The following BIRC6 variants were observed in gnomAD, a reference collection of about 807,000 sequenced individuals.
The protein encoded by BIRC6 is dual E2 ubiquitin-conjugating enzyme/E3 ubiquitin-protein ligase BIRC6.
A neutral mutation model predicts 503.3 loss-of-function variants in BIRC6; 98 were observed. The observed-to-expected ratio is 0.19, with a 90% CI of 0.17 to 0.23. The LOEUF (loss-of-function observed/expected upper bound fraction) is 0.23, where lower values mean the gene tolerates loss of function less well. Ranked by LOEUF, BIRC6 falls within the 10% of genes least tolerant of loss-of-function variation. The pLI is 1.00. For synonymous variants in BIRC6, 2,240 were observed against 2,078.7 expected, an observed-to-expected ratio of 1.08 and a Z score of -2.11; for missense variants, 5,360 against 5,806.0, an observed-to-expected ratio of 0.92 and a Z score of 2.50.
chr2:32,500,699 A>G (rs1015203332), intron 46 of BIRC6, among the ~76,000 whole-genome samples: 2 of 145,730 alleles, frequency 1.4e-5, no homozygotes, highest in Non-Finnish European at 3.0e-5. Context: ...TCCGCCTCCT[A>G]GGTTCAAGCA....
intron 33 of BIRC6, among the ~76,000 whole-genome samples, chr2:32,474,026 G>T (rs1423754088): frequency 6.6e-6 from 1 of 151,864 alleles, no homozygotes; most frequent in African/African-American, 2.4e-5. Flanking sequence ...AAAGTGTTGG[G>T]ATTATAGGTC....
chr2:32,439,025 C>T (rs182548678), intron 15 of BIRC6, among the ~76,000 whole-genome samples: 4 of 152,204 alleles, frequency 2.6e-5, no homozygotes, highest in Non-Finnish European at 5.9e-5. Context: ...CAGGTAGTGA[C>T]TCCAAAGCCT....
intron 23 of BIRC6, among the ~76,000 whole-genome samples, chr2:32,458,980 G>C (rs1368314997): frequency 6.6e-6 from 1 of 151,936 alleles, no homozygotes. Context: ...GTGAGCCACC[G>C]TGCCCAGCCT....
intron 53 of BIRC6, among the ~76,000 whole-genome samples, chr2:32,511,584 G>C (rs367598286): frequency 2.5e-4 from 37 of 149,212 alleles, no homozygotes; most frequent in African/African-American, 8.9e-4. Flanking sequence ...CCCACCTCAG[G>C]CCTCCCAAGT....
At chr2:32,427,782 C>G (rs967721573) in intron 10 of BIRC6, among the ~76,000 whole-genome samples, 4 of 151,904 alleles carry the variant, frequency 2.6e-5, no homozygotes, top group African/African-American at 9.7e-5. Context: ...ATGTGGGTCC[C>G]TCTTTCTTTG....
At chr2:32,394,255 G>C (rs1333442641) in intron 5 of BIRC6, among the ~76,000 whole-genome samples, 2 of 151,352 alleles carry the variant, frequency 1.3e-5, no homozygotes, top group Non-Finnish European at 2.9e-5. Context: ...TCTAGGAAAT[G>C]TTAGGGGCTG....
intron 65 of BIRC6, among the ~76,000 whole-genome samples, chr2:32,569,777 A>C (rs1215234657): frequency 6.6e-6 from 1 of 151,786 alleles, no homozygotes; most frequent in African/African-American, 2.4e-5. Flanking sequence ...TTCATATATT[A>C]ATCTTATATC....
chr2:32,558,924 G>GT (rs1170304978), intron 65 of BIRC6: 7 of 151,966 alleles, frequency 4.6e-5, no homozygotes, highest in Non-Finnish European at 7.4e-5. Flanking sequence ...GTTTTTTTAG[G>GT]TTTTTTATAT....
chr2:32,443,818 A>T (rs562909401), intron 20 of BIRC6, among the ~76,000 whole-genome samples: 2 of 152,216 alleles, frequency 1.3e-5, no homozygotes, highest in Non-Finnish European at 2.9e-5. Context: ...AGTCATCTCA[A>T]TTCATAACTA....
At chr2:32,461,047 CTTCTCTTCTCTTCTCTTCTG>C (rs1324155807) in intron 23 of BIRC6, among the ~76,000 whole-genome samples, 174 of 70,770 alleles carry the variant, frequency 2.5e-3, no homozygotes, top group African/African-American at 7.1e-3. Flanking sequence ...CTTCTCTTCT[CTTCTCTTCTCTTCTCTTCTG>C]TTCTCCTCTC....
chr2:32,546,100 C>T (rs1306954274), intron 63 of BIRC6, among the ~76,000 whole-genome samples: 7 of 152,128 alleles, frequency 4.6e-5, no homozygotes, highest in Admixed American at 3.9e-4. Flanking sequence ...AATAAGCTTT[C>T]CCATTTACCA....
At chr2:32,375,818 G>C (rs1310513930) in intron 1 of BIRC6, among the ~76,000 whole-genome samples, 1 of 150,180 alleles carries the variant, frequency 6.7e-6, no homozygotes, top group Non-Finnish European at 1.5e-5. Flanking sequence ...AACACTTCGA[G>C]CATCACTAGT....
At position 32,479,631 on chromosome 2, in the gene BIRC6, T is replaced by A; in HGVS notation, c.7408+14T>A. On this transcript the variant is annotated intron_variant, in intron 37 of 73. Coordinates refer to ENST00000421745, the MANE Select transcript of BIRC6 (RefSeq NM_016252.4). ...ATGACATAACAGGTAAAGTTTTACA[T>A]TATGTTTCTTCTTTATTCTATTAAA... The A allele has an allele frequency of 6.4e-7, 1 of 1,564,148 alleles. No individual in the cohort carries two copies. Among genetic ancestry groups the A allele is most frequent in the Non-Finnish European group, 8.7e-7 (1 of 1,143,502 alleles).
chr2:32,544,179 A>T (rs1173757254), intron 62 of BIRC6, among the ~76,000 whole-genome samples: 1 of 152,208 alleles, frequency 6.6e-6, no homozygotes, highest in Non-Finnish European at 1.5e-5. Context: ...GAAAAAACGT[A>T]CTAAAAACTT....
intron 6 of BIRC6, among the ~76,000 whole-genome samples, chr2:32,397,669 T>C (rs2040102120): frequency 7.4e-6 from 1 of 135,434 alleles, no homozygotes; most frequent in Non-Finnish European, 1.6e-5. Context: ...TGTGTATATA[T>C]ATATACACAC....
At chr2:32,607,406 C>T in intron 71 of BIRC6, 49 bp from the exon 72 acceptor site, 1 of 1,298,908 alleles carries the variant, frequency 7.7e-7, no homozygotes, top group South Asian at 2.1e-5. Flanking sequence ...ATCAGTTAAC[C>T]CACAGTAAAA....
intron 61 of BIRC6, among the ~76,000 whole-genome samples, chr2:32,536,969 T>C (rs1335289544): frequency 1.3e-5 from 2 of 152,176 alleles, no homozygotes; most frequent in Non-Finnish European, 2.9e-5. Flanking sequence ...CTTGAAGGGG[T>C]CCTTCACATC....
At chr2:32,592,595 C>CTT (rs111294235) in intron 66 of BIRC6, among the ~76,000 whole-genome samples, 1 of 143,478 alleles carries the variant, frequency 7.0e-6, no homozygotes. Context: ...GTTAAGGATT[C>CTT]TTTTTTTTTT....
At chr2:32,548,517 C>T in intron 64 of BIRC6, among the ~76,000 whole-genome samples, 1 of 151,826 alleles carries the variant, frequency 6.6e-6, no homozygotes, top group East Asian at 1.9e-4. Flanking sequence ...CGTGGTGGCT[C>T]ATGCCTGTTA....
Sources: gnomAD v4.1 joint callset for allele counts (sites outside exome capture counted in the v4.1 genomes callset) on GRCh38, gnomAD v4.1.1 for gene constraint, MANE v1.5 for transcripts, NCBI Gene and HGNC (gene_info 2026-07-23, HGNC 2026-07-21) for gene names.